The following DLG1 variants were observed in gnomAD, a reference collection of about 807,000 sequenced individuals.
DLG1 encodes discs large MAGUK scaffold protein 1, also known as disks large homolog 1.
In DLG1, 42 loss-of-function variants were observed where a neutral mutation model predicts 123.4. The observed-to-expected ratio is 0.34, with a 90% CI of 0.27 to 0.44. The LOEUF is 0.44. DLG1 is among the 20% of genes least tolerant of loss of function. The pLI, the probability that DLG1 is intolerant of heterozygous loss-of-function variation, is 1.00. For missense variants in DLG1, 942 were observed against 1,082.6 expected (o/e 0.87, Z 1.82); for synonymous variants, 317 against 356.2 (o/e 0.89, Z 1.24).
intron 4 of DLG1, among the ~76,000 whole-genome samples, chr3:197,226,816 A>T (rs1263210985): frequency 1.3e-5 from 2 of 152,246 alleles, no homozygotes; most frequent in African/African-American, 4.8e-5. Flanking sequence ...TCACTGATTT[A>T]TCCACTCTTT....
chr3:197,102,772 G>A (rs987570828), intron 14 of DLG1, among the ~76,000 whole-genome samples: 2 of 152,188 alleles, frequency 1.3e-5, no homozygotes, highest in African/African-American at 4.8e-5. Context: ...CTACTTGGGA[G>A]GCTTGAACCT....
chr3:197,262,982 C>G (rs1213148417), intron 4 of DLG1, among the ~76,000 whole-genome samples: 6 of 152,190 alleles, frequency 3.9e-5, no homozygotes, highest in African/African-American at 1.4e-4. Context: ...CACCCCACCC[C>G]TGCAATTATC....
chr3:197,117,782 C>T (rs1774112116), intron 12 of DLG1, among the ~76,000 whole-genome samples: 1 of 152,146 alleles, frequency 6.6e-6, no homozygotes, highest in South Asian at 2.1e-4. Context: ...ATTAACACTA[C>T]TGAATTGTAC....
chr3:197,169,440 G>C (rs1039469426), intron 5 of DLG1, among the ~76,000 whole-genome samples: 1 of 152,198 alleles, frequency 6.6e-6, no homozygotes, highest in Non-Finnish European at 1.5e-5. Context: ...TTTGAATGTA[G>C]AGTTGGTATA....
intron 4 of DLG1, among the ~76,000 whole-genome samples, chr3:197,233,607 A>T (rs1405716029): frequency 6.6e-6 from 1 of 152,096 alleles, no homozygotes; most frequent in African/African-American, 2.4e-5. Context: ...TTGGACTCAA[A>T]CCCCTGACCT....
chr3:197,182,613 T>A (rs886871894), intron 5 of DLG1, among the ~76,000 whole-genome samples: 2 of 152,168 alleles, frequency 1.3e-5, no homozygotes, highest in Non-Finnish European at 2.9e-5. Context: ...TTAAGGGAAT[T>A]TATTTTAAAA....
In DLG1 at chr3:197,180,065, TTTG is replaced by T. The variant is rs1257433847; in HGVS notation, c.483+14357_483+14359del. On this transcript the variant is annotated intron_variant, in intron 5 of 24. Transcript: ENST00000667157. ...TTAATTTGGCATGTTGTGTTTTTTT[TTTG>T]GGGGGGGGGGGGCTTTTTGAGTATT... 1.8e-3 allele frequency among the ~76,000 whole-genome samples: 154 copies of T among 87,140 alleles called. 3 individuals are homozygous for T. The highest frequency in any genetic ancestry group is 8.5e-3 in the African/African-American group (142 of 16,726). 57.2% of individuals were successfully genotyped at this position (87,140 alleles called of 152,430 possible).
At chr3:197,245,966 G>A (rs1751542676) in intron 4 of DLG1, among the ~76,000 whole-genome samples, 1 of 151,276 alleles carries the variant, frequency 6.6e-6, no homozygotes, top group South Asian at 2.1e-4. Context: ...TGTGGACAAG[G>A]TCTTGGCCCT....
At chr3:197,149,042 AC>A (rs1402396670) in intron 6 of DLG1, among the ~76,000 whole-genome samples, 2 of 152,144 alleles carry the variant, frequency 1.3e-5, no homozygotes, top group Non-Finnish European at 2.9e-5. Context: ...TTTTACCTTA[AC>A]AAATTATGTT....
At chr3:197,242,116 T>C (rs1220503356) in intron 4 of DLG1, among the ~76,000 whole-genome samples, 1 of 152,008 alleles carries the variant, frequency 6.6e-6, no homozygotes. Flanking sequence ...TTCATGCAAC[T>C]GGAAACCAAA....
chr3:197,283,299 T>C (rs1192710346), intron 3 of DLG1, among the ~76,000 whole-genome samples: 4 of 152,080 alleles, frequency 2.6e-5, no homozygotes, highest in Admixed American at 6.5e-5. Flanking sequence ...ACCACCAATA[T>C]CTAAGCTGGG....
chr3:197,133,669 T>C (rs1783746944), intron 10 of DLG1, among the ~76,000 whole-genome samples: 1 of 151,736 alleles, frequency 6.6e-6, no homozygotes, highest in African/African-American at 2.4e-5. Flanking sequence ...ACCTTGGGAG[T>C]GAATAGTAAA....
chr3:197,183,917 G>T (rs772803514), intron 5 of DLG1: 2 of 1,447,808 alleles, frequency 1.4e-6, no homozygotes, highest in African/African-American at 2.9e-5. Flanking sequence ...ATCACTTGTA[G>T]ATCAGTGAAA....
rs561440388 is a variant in DLG1, at chr3:197,297,924, G to A, written c.-32+612C>T. 10 of 984,088 alleles carry A rather than the reference G, an allele frequency of 1.0e-5. No homozygotes were observed. The African/African-American group carries it at 1.6e-4, about 15-fold the overall frequency. 61.0% of individuals were successfully genotyped at this position (984,088 alleles called of 1,614,324 possible). On this transcript the variant is annotated intron_variant, in intron 1 of 24. Coordinates refer to ENST00000667157, the MANE Select transcript of DLG1 (RefSeq NM_001366207.1). Reference sequence around the variant, plus strand: ...CCCGGGGCCCGCGGAGCCGAGCGGAGGGGGCGAAGGGACGGGGGAGGAGCT... The same window carrying A: ...CCCGGGGCCCGCGGAGCCGAGCGGAAGGGGCGAAGGGACGGGGGAGGAGCT...
intron 4 of DLG1, among the ~76,000 whole-genome samples, chr3:197,229,756 C>T (rs573706251): frequency 1.2e-3 from 184 of 152,290 alleles, no homozygotes; most frequent in African/African-American, 4.2e-3. Flanking sequence ...AAGAACTTTG[C>T]TTTTTTGAAA....
intron 9 of DLG1, among the ~76,000 whole-genome samples, chr3:197,137,807 C>CA (rs1292950797): frequency 1.3e-5 from 2 of 151,418 alleles, no homozygotes; most frequent in African/African-American, 2.4e-5. Flanking sequence ...TCCGTCTCTA[C>CA]AAAAAATAAA....
At chr3:197,200,665 G>A (rs1477627868) in intron 4 of DLG1, among the ~76,000 whole-genome samples, 1 of 152,122 alleles carries the variant, frequency 6.6e-6, no homozygotes, top group African/African-American at 2.4e-5. Context: ...GGCAAGGATA[G>A]TTCAACATAC....
At chr3:197,091,519 C>T (rs962476939) in intron 14 of DLG1, among the ~76,000 whole-genome samples, 2 of 151,656 alleles carry the variant, frequency 1.3e-5, no homozygotes, top group African/African-American at 4.8e-5. Context: ...AAAAATATGC[C>T]TTAAACAAGT....
chr3:197,282,426 A>T (rs1185384606), intron 4 of DLG1, among the ~76,000 whole-genome samples: 1 of 152,240 alleles, frequency 6.6e-6, no homozygotes, highest in East Asian at 1.9e-4. Context: ...TATCATGCAA[A>T]GAATTTTTTA....
Sources: gnomAD v4.1 joint callset for allele counts (sites outside exome capture counted in the v4.1 genomes callset) on GRCh38, gnomAD v4.1.1 for gene constraint, MANE v1.5 for transcripts, NCBI Gene and HGNC (gene_info 2026-07-23, HGNC 2026-07-21) for gene names.